Variants in NARS2 observed in about 807,000 individuals in gnomAD.
NARS2 encodes asparaginyl-tRNA synthetase 2, mitochondrial.
In NARS2, 60 loss-of-function variants were observed where a neutral mutation model predicts 62.9. That is an observed-to-expected ratio of 0.95 (90% CI 0.77 to 1.18). The LOEUF (loss-of-function observed/expected upper bound fraction) is 1.18. NARS2 is among the 50% of genes most tolerant of loss of function. The pLI, the probability that NARS2 is intolerant of heterozygous loss-of-function variation, is 0.00. For synonymous variants in NARS2, 196 were observed against 200.0 expected, an observed-to-expected ratio of 0.98 and a Z score of 0.17; for missense variants, 619 against 576.4, an observed-to-expected ratio of 1.07 and a Z score of -0.76.
intron 1 of NARS2, among the ~76,000 whole-genome samples, chr11:78,572,105 C>T (rs1856948436): frequency 6.6e-6 from 1 of 152,120 alleles, no homozygotes; most frequent in African/African-American, 2.4e-5. Flanking sequence ...TCGCTTGAAC[C>T]CACGAGGCGG....
At chr11:78,521,089 T>C (rs528694193) in intron 6 of NARS2, among the ~76,000 whole-genome samples, 10 of 147,400 alleles carry the variant, frequency 6.8e-5, no homozygotes, top group Non-Finnish European at 8.9e-5. Flanking sequence ...AGAAGAATGA[T>C]GGGTGCGAAG....
chr11:78,516,259 C>A (rs552613755), intron 6 of NARS2, among the ~76,000 whole-genome samples: 1 of 152,292 alleles, frequency 6.6e-6, no homozygotes, highest in East Asian at 1.9e-4. Flanking sequence ...AAAAATTGTA[C>A]ACCATAAAAT....
At position 78,478,621 on chromosome 11, in the gene NARS2, A is replaced by C. The variant is rs570345536; in HGVS notation, c.885T>G (p.Val295=). The change falls in exon 8 of 14, where the codon GTT becomes GTG. Residue 295 remains valine, a synonymous_variant. Coordinates refer to ENST00000281038, the MANE Select transcript of NARS2 (RefSeq NM_024678.6). ...GTGCTATGAATTTGTGACAGAGTTC[A>C]ACATCTTCAGGACATTTTGAGAGAA... ...MMVLSKCPED[V]ELCHKFIAPG... 2.5e-6 allele frequency: 4 copies of C among 1,612,114 alleles called. No individual in the cohort carries two copies. The East Asian group carries it at 8.9e-5, about 36-fold the overall frequency.
rs560740534 is a variant in NARS2, at chr11:78,570,396, T to G, written c.251+939A>C. Among the ~76,000 whole-genome samples the G allele has an allele frequency of 6.6e-5, 10 of 152,230 alleles. 1 individual carries two copies. The East Asian group carries it at 1.9e-3, about 29-fold the overall frequency. ...CATTAAAATGGTGTTAGTTTTTGGT[T>G]TGGGGGGTTTTTTGGAGACAGGGCT... On this transcript the variant is annotated intron_variant, in intron 2 of 13. Coordinates refer to ENST00000281038, the MANE Select transcript of NARS2 (RefSeq NM_024678.6).
intron 5 of NARS2, among the ~76,000 whole-genome samples, chr11:78,532,041 A>G (rs1861499484): frequency 6.6e-6 from 1 of 152,248 alleles, no homozygotes; most frequent in African/African-American, 2.4e-5. Flanking sequence ...TTTCACCTCA[A>G]TTCTTGAAAG....
At chr11:78,548,986 C>A (rs923996252) in intron 5 of NARS2, among the ~76,000 whole-genome samples, 4 of 152,168 alleles carry the variant, frequency 2.6e-5, no homozygotes, top group African/African-American at 9.7e-5. Context: ...CTCTACCCCC[C>A]AATTAGAGCC....
At chr11:78,450,666 CTTT>C (rs781420225) in intron 11 of NARS2, among the ~76,000 whole-genome samples, 8 of 101,578 alleles carry the variant, frequency 7.9e-5, no homozygotes, top group East Asian at 2.9e-4. Context: ...AAAGCCTTGT[CTTT>C]TTTTTTTTTT....
At chr11:78,480,610 C>T (rs537692793) in intron 7 of NARS2, among the ~76,000 whole-genome samples, 5 of 124,474 alleles carry the variant, frequency 4.0e-5, no homozygotes, top group Non-Finnish European at 7.7e-5. Flanking sequence ...ACATGTATAT[C>T]TAATTAAGTA....
chr11:78,464,320 C>A (rs926118216), intron 11 of NARS2, among the ~76,000 whole-genome samples: 2 of 152,044 alleles, frequency 1.3e-5, no homozygotes, highest in African/African-American at 4.8e-5. Flanking sequence ...TTGCAAAGAG[C>A]GAAAGAACAA....
intron 11 of NARS2, among the ~76,000 whole-genome samples, chr11:78,446,404 G>A (rs554400390): frequency 6.6e-6 from 1 of 152,334 alleles, no homozygotes; most frequent in South Asian, 2.1e-4. Flanking sequence ...GGACCCTGCA[G>A]TTATCCCTTC....
intron 6 of NARS2, among the ~76,000 whole-genome samples, chr11:78,522,619 T>C (rs192506576): frequency 6.6e-6 from 1 of 152,228 alleles, no homozygotes; most frequent in Non-Finnish European, 1.5e-5. Context: ...AAAAAAAAGA[T>C]GATGTAGAAA....
intron 6 of NARS2, among the ~76,000 whole-genome samples, chr11:78,521,166 C>CT (rs965232875): frequency 1.7e-3 from 229 of 135,324 alleles, no homozygotes; most frequent in Admixed American, 4.2e-3. Context: ...CTCTCTCTTT[C>CT]TTTTTTTTTT....
intron 6 of NARS2, among the ~76,000 whole-genome samples, chr11:78,523,740 T>C (rs1411133306): frequency 1.3e-5 from 2 of 152,204 alleles, no homozygotes; most frequent in Non-Finnish European, 1.5e-5. Context: ...ATTCTATCTA[T>C]ATACGATAAA....
At chr11:78,500,637 C>T (rs1344510473) in intron 6 of NARS2, among the ~76,000 whole-genome samples, 3 of 152,148 alleles carry the variant, frequency 2.0e-5, no homozygotes, top group African/African-American at 7.2e-5. Context: ...CCAAGCCCAG[C>T]TAATTAAAAA....
At chr11:78,552,744 T>TA (rs1284508272) in intron 5 of NARS2, among the ~76,000 whole-genome samples, 1 of 152,156 alleles carries the variant, frequency 6.6e-6, no homozygotes, top group African/African-American at 2.4e-5. Context: ...ATGTTCATCT[T>TA]ACGTATATGG....
rs1591157097 is a variant in NARS2 at position 78,465,920 on chromosome 11, T to C, written c.1120A>G (p.Lys374Glu). The C allele has an allele frequency of 6.2e-7, 1 of 1,614,044 alleles. No homozygotes were observed. Among genetic ancestry groups the C allele is most frequent in the Middle Eastern group, 1.6e-4 (1 of 6,062 alleles). ...VFVINYPLTL[K>E]PFYMRDNEDG... Reference sequence around the variant, plus strand: ...TCATTATCCCTCATGTAGAAAGGCTTGAGTGTTAATGGATAATTAATAACG... The same window carrying C: ...TCATTATCCCTCATGTAGAAAGGCTCGAGTGTTAATGGATAATTAATAACG... The change falls in exon 11 of 14, where the codon AAG becomes GAG. Residue 374 changes from lysine (K) to glutamate (E), a missense_variant. Lys to Glu is a moderately conservative substitution (Grantham distance 56). Coordinates refer to ENST00000281038, the MANE Select transcript of NARS2 (RefSeq NM_024678.6).
intron 9 of NARS2, among the ~76,000 whole-genome samples, chr11:78,475,883 G>C (rs1329916802): frequency 6.6e-6 from 1 of 152,136 alleles, no homozygotes; most frequent in East Asian, 1.9e-4. Context: ...CTACAGGCAT[G>C]AGCCAACGTG....
chr11:78,489,036 T>A (rs1015250456), intron 7 of NARS2, among the ~76,000 whole-genome samples: 1 of 151,984 alleles, frequency 6.6e-6, no homozygotes, highest in African/African-American at 2.4e-5. Context: ...CTATAAAACA[T>A]CATAAAATCC....
At position 78,506,223 on chromosome 11, in the gene NARS2, C is replaced by T. The variant is rs567266853; in HGVS notation, c.690-13028G>A. 3.3e-5 allele frequency among the ~76,000 whole-genome samples: 5 copies of T among 152,272 alleles called. No homozygotes were observed. In the East Asian group the frequency reaches 7.7e-4, roughly 24 times the overall value. ...TCTTTTGTCAAAGACGTGGACCAAC[C>T]GGCATCCTCATCCACTGCTAGCGGG... On this transcript the variant is annotated intron_variant, in intron 6 of 13. Transcript: ENST00000281038.
Sources: allele counts gnomAD v4.1 joint callset (sites outside exome capture counted in the v4.1 genomes callset), GRCh38; gene constraint gnomAD v4.1.1; transcripts MANE v1.5; gene names NCBI Gene and HGNC (gene_info 2026-07-23, HGNC 2026-07-21).